AKAP6: variants seen among roughly 807,000 people sequenced by gnomAD.
AKAP6 encodes the protein A-kinase anchor protein 6.
A neutral mutation model predicts 188.5 loss-of-function variants in AKAP6; 58 were observed. That is an observed-to-expected ratio of 0.31 (90% CI 0.25 to 0.38). The LOEUF (loss-of-function observed/expected upper bound fraction) is 0.38. Among genes scored for constraint, AKAP6 ranks in the 10% least tolerant of loss-of-function variants. AKAP6 has a pLI of 1.00. For synonymous variants in AKAP6, 989 were observed against 998.6 expected, an observed-to-expected ratio of 0.99 and a Z score of 0.18; for missense variants, 2,710 against 2,740.0, an observed-to-expected ratio of 0.99 and a Z score of 0.24.
intron 7 of AKAP6, among the ~76,000 whole-genome samples, chr14:32,662,679 C>T (rs1351830050): frequency 6.6e-6 from 1 of 152,150 alleles, no homozygotes; most frequent in Non-Finnish European, 1.5e-5. Context: ...TGGCCAGACA[C>T]AGTACCTCTT....
intron 1 of AKAP6, among the ~76,000 whole-genome samples, chr14:32,398,588 G>A (rs1271587320): frequency 2.0e-5 from 3 of 152,086 alleles, no homozygotes; most frequent in Non-Finnish European, 4.4e-5. Flanking sequence ...CTCTCCCATG[G>A]TTCCAGGCTT....
At chr14:32,452,103 C>G (rs1890962845) in intron 2 of AKAP6, among the ~76,000 whole-genome samples, 1 of 142,698 alleles carries the variant, frequency 7.0e-6, no homozygotes, top group African/African-American at 2.6e-5. Flanking sequence ...CTCACTGCAG[C>G]CTTCACCTCT....
chr14:32,367,141 G>C (rs1281351384), intron 1 of AKAP6, among the ~76,000 whole-genome samples: 2 of 152,178 alleles, frequency 1.3e-5, no homozygotes, highest in African/African-American at 4.8e-5. Flanking sequence ...ATGAATGAAA[G>C]AGTCCCACCC....
intron 4 of AKAP6, among the ~76,000 whole-genome samples, chr14:32,571,649 G>A (rs1884494215): frequency 6.6e-6 from 1 of 152,184 alleles, no homozygotes; most frequent in Non-Finnish European, 1.5e-5. Flanking sequence ...CAGACATCAT[G>A]CCTAATTTCT....
intron 1 of AKAP6, chr14:32,403,218 G>T (rs1594580741): frequency 6.6e-6 from 1 of 152,250 alleles, no homozygotes; most frequent in East Asian, 1.9e-4. Context: ...TCACAAAGGG[G>T]TTCTTGATTC....
chr14:32,349,479 G>C (rs959384282), intron 1 of AKAP6, among the ~76,000 whole-genome samples: 6 of 152,186 alleles, frequency 3.9e-5, no homozygotes, highest in Non-Finnish European at 8.8e-5. Context: ...GTGGTCCTTA[G>C]CCTCAGAAAT....
intron 9 of AKAP6, among the ~76,000 whole-genome samples, chr14:32,731,244 G>A (rs973907166): frequency 2.0e-5 from 3 of 152,178 alleles, no homozygotes; most frequent in African/African-American, 4.8e-5. Flanking sequence ...ACATATGCAC[G>A]CAAATGCTGA....
intron 2 of AKAP6, among the ~76,000 whole-genome samples, chr14:32,529,851 A>G (rs1195390747): frequency 1.3e-5 from 2 of 151,802 alleles, no homozygotes; most frequent in Non-Finnish European, 2.9e-5. Flanking sequence ...ACTAACTGTG[A>G]TATTTCTTTA....
intron 4 of AKAP6, among the ~76,000 whole-genome samples, chr14:32,576,645 T>A (rs1884731648): frequency 6.6e-6 from 1 of 152,148 alleles, no homozygotes; most frequent in African/African-American, 2.4e-5. Flanking sequence ...TGAAATATAT[T>A]TCTAGTTCAG....
intron 9 of AKAP6, among the ~76,000 whole-genome samples, chr14:32,705,778 C>T (rs1447830474): frequency 2.6e-5 from 4 of 152,120 alleles, no homozygotes; most frequent in African/African-American, 4.8e-5. Flanking sequence ...ACTACATGTC[C>T]ATCACATGTT....
At chr14:32,800,189 CAT>C in intron 12 of AKAP6, among the ~76,000 whole-genome samples, 1 of 145,764 alleles carries the variant, frequency 6.9e-6, no homozygotes, top group South Asian at 2.1e-4. Context: ...TATATATACA[CAT>C]ATATATACAT....
chr14:32,526,622 C>T (rs1882143798), intron 2 of AKAP6, among the ~76,000 whole-genome samples: 1 of 152,218 alleles, frequency 6.6e-6, no homozygotes, highest in Non-Finnish European at 1.5e-5. Flanking sequence ...TCAAGGGGTC[C>T]TTCGACCTTG....
chr14:32,599,241 A>AT (rs1405696266), intron 5 of AKAP6, among the ~76,000 whole-genome samples, 169 bp from the exon 6 acceptor site: 2 of 152,322 alleles, frequency 1.3e-5, no homozygotes, highest in East Asian at 3.9e-4. Context: ...TAATGGAAAC[A>AT]TTTTGAGCCC....
intron 7 of AKAP6, among the ~76,000 whole-genome samples, chr14:32,616,356 C>T (rs563454839): frequency 1.1e-3 from 163 of 152,212 alleles, no homozygotes; most frequent in Admixed American, 2.6e-3. Context: ...TCAGTCTAAA[C>T]GCCCATCAAT....
At chr14:32,468,627 G>C (rs1272388936) in intron 2 of AKAP6, among the ~76,000 whole-genome samples, 1 of 152,098 alleles carries the variant, frequency 6.6e-6, no homozygotes, top group Non-Finnish European at 1.5e-5. Flanking sequence ...CATGACTTAA[G>C]ACAAAAGCGC....
intron 1 of AKAP6, among the ~76,000 whole-genome samples, chr14:32,341,907 G>T (rs1886902011): frequency 6.6e-6 from 1 of 152,156 alleles, no homozygotes. Flanking sequence ...AGCTACTAGG[G>T]AGGCTGAGGC....
intron 7 of AKAP6, among the ~76,000 whole-genome samples, chr14:32,621,327 C>T (rs1886808978): frequency 6.6e-6 from 1 of 151,932 alleles, no homozygotes; most frequent in African/African-American, 2.4e-5. Flanking sequence ...TATGAGCTTT[C>T]CTCTTACCAT....
chr14:32,743,823 T>C (rs558600541), intron 11 of AKAP6, among the ~76,000 whole-genome samples: 29 of 152,212 alleles, frequency 1.9e-4, no homozygotes, highest in Non-Finnish European at 4.0e-4. Context: ...CATACCACAG[T>C]TGCATTGTTA....
intron 12 of AKAP6, among the ~76,000 whole-genome samples, chr14:32,810,210 A>T (rs1436478837): frequency 6.6e-6 from 1 of 151,690 alleles, no homozygotes; most frequent in Non-Finnish European, 1.5e-5. Context: ...TATTTTTTGC[A>T]AAGAATTTTA....
Sources: gnomAD v4.1 joint callset for allele counts (sites outside exome capture counted in the v4.1 genomes callset) on GRCh38, gnomAD v4.1.1 for gene constraint, MANE v1.5 for transcripts, NCBI Gene and HGNC (gene_info 2026-07-23, HGNC 2026-07-21) for gene names.